The following CNOT7 variants were observed in gnomAD, a reference collection of about 807,000 sequenced individuals.
The protein encoded by CNOT7 is BTG1-binding factor 1.
Under a neutral mutation model 37.1 loss-of-function variants are expected in CNOT7, and 4 were observed. The observed-to-expected ratio is 0.11, with a 90% CI of 0.05 to 0.25. The LOEUF (loss-of-function observed/expected upper bound fraction) is 0.25, where lower values mean the gene tolerates loss of function less well. CNOT7 is among the 10% of genes least tolerant of loss of function. The probability of loss-of-function intolerance (pLI) is 1.00; values close to 1 mark genes in which losing one functional copy is unlikely to be tolerated. For missense variants in CNOT7, 170 were observed against 336.2 expected (o/e 0.51, Z 3.87); for synonymous variants, 128 against 115.6 (o/e 1.11, Z -0.69).
At chr8:17,237,583 C>G in intron 3 of CNOT7, 1 of 524,406 alleles carries the variant, frequency 1.9e-6, no homozygotes, top group Non-Finnish European at 3.4e-6. Context: ...AAAAATCATT[C>G]AGAGAGTCCA....
Position 17,229,628 on chromosome 8 carries a change from C to CTA in CNOT7, c.*1090_*1091dup, listed in dbSNP as rs141722627. 1,084 of 148,092 alleles carry CTA rather than the reference C, an allele frequency of 7.3e-3. 3 individuals are homozygous for CTA. The highest frequency in any genetic ancestry group is 0.014 in the African/African-American group (559 of 40,576). The allele number at this position is 148,092 out of a possible 1,614,324, so 9.2% of individuals were successfully genotyped here. A position where few individuals can be genotyped will look rare whatever the true frequency, so the allele number is the denominator to read the frequency against. On this transcript the variant is annotated 3_prime_UTR_variant, in exon 7 of 7. Coordinates refer to ENST00000361272, the MANE Select transcript of CNOT7 (RefSeq NM_013354.7). Reference sequence around the variant, plus strand: ...TACACTCCTCAGGTAATTTTATCAGCTATATATATATATATGAGAATATAT... The same window carrying CTA: ...TACACTCCTCAGGTAATTTTATCAGCTATATATATATATATATGAGAATATAT...
At position 17,230,763 on chromosome 8, in the gene CNOT7, C is replaced by G; in HGVS notation, c.815G>C (p.Gly272Ala). 6.2e-7 allele frequency: 1 copy of G among 1,608,440 alleles called. No homozygotes were observed. Among genetic ancestry groups the G allele is most frequent in the Non-Finnish European group, 8.5e-7 (1 of 1,176,798 alleles). Residue 272 changes from glycine (G) to alanine (A), a missense_variant, in exon 7 of 7, where the codon GGC becomes GCC. Gly to Ala is a moderately conservative substitution (Grantham distance 60). This residue lies in a region of CNOT7 where 25 missense variants were observed against 43.3 expected (regional missense o/e 0.58). Coordinates refer to ENST00000361272, the MANE Select transcript of CNOT7 (RefSeq NM_013354.7). ...TTCCTCTTCATATGCATTCCCTGTG[C>G]CATTCTGTACATAGGATGAACCAGA... ...LGSGSSYVQNGTGNAYEEEAN... is the reference protein window; with the variant it reads ...LGSGSSYVQNATGNAYEEEAN...
chr8:17,232,058 A>G, intron 6 of CNOT7: 1 of 1,033,840 alleles, frequency 9.7e-7, no homozygotes, highest in Non-Finnish European at 1.2e-6. Flanking sequence ...CTTGCCTTGT[A>G]GGAGGAGCAC....
chr8:17,241,832 C>T (rs189200489), intron 3 of CNOT7: 5 of 152,144 alleles, frequency 3.3e-5, no homozygotes, highest in South Asian at 4.1e-4. Flanking sequence ...CATCAAACTT[C>T]TAGATAAAGA....
chr8:17,243,494 C>G (rs972422907), intron 2 of CNOT7: 1 of 512,738 alleles, frequency 2.0e-6, no homozygotes, highest in Non-Finnish European at 3.8e-6. Flanking sequence ...CCAAAGGATA[C>G]ATGAAATGAT....
chr8:17,235,326 A>G (rs1217310794), intron 4 of CNOT7, among the ~76,000 whole-genome samples: 2 of 152,332 alleles, frequency 1.3e-5, no homozygotes, highest in East Asian at 1.9e-4. Flanking sequence ...CCACTTTTAC[A>G]TAAGGTGGTC....
rs554923817 is a variant in CNOT7 at position 17,226,967 on chromosome 8, C to G, written c.*3753G>C. 3 of 151,256 alleles carry G rather than the reference C, an allele frequency of 2.0e-5. No homozygotes were observed. In the East Asian group the frequency reaches 5.8e-4, roughly 29 times the overall value. The allele number at this position is 151,256 out of a possible 1,614,324, so 9.4% of individuals were successfully genotyped here. A position where few individuals can be genotyped will look rare whatever the true frequency, so the allele number is the denominator to read the frequency against. On this transcript the variant is annotated 3_prime_UTR_variant, in exon 7 of 7. Transcript: ENST00000361272. ...TCTTTAGCACTGCTAAGCCATTGAACGCCTGTGTGGCAAATCAAATCAGGA... is the reference window on the plus strand; with the variant it reads ...TCTTTAGCACTGCTAAGCCATTGAAGGCCTGTGTGGCAAATCAAATCAGGA...
At chr8:17,245,787 T>C (rs899673289) in intron 1 of CNOT7, 1 of 152,188 alleles carries the variant, frequency 6.6e-6, no homozygotes, top group African/African-American at 2.4e-5. Context: ...ATTATCTGAA[T>C]GTTCGCAGTT....
At chr8:17,245,470 C>A (rs963244689) in intron 1 of CNOT7, among the ~76,000 whole-genome samples, 1 of 152,056 alleles carries the variant, frequency 6.6e-6, no homozygotes, top group African/African-American at 2.4e-5. Flanking sequence ...TTTAAAATAG[C>A]TTTTTTACAC....
chr8:17,231,864 C>A, intron 6 of CNOT7: 3 of 985,854 alleles, frequency 3.0e-6, no homozygotes, highest in Non-Finnish European at 3.6e-6. Context: ...GCAACTACTA[C>A]GTTGGATTTA....
At chr8:17,239,714 C>T (rs1048713878) in intron 3 of CNOT7, among the ~76,000 whole-genome samples, 6 of 151,974 alleles carry the variant, frequency 3.9e-5, no homozygotes, top group African/African-American at 7.2e-5. Context: ...AGGATGTTCT[C>T]GATCTCCTGA....
At chr8:17,241,606 C>T (rs1038009813) in intron 3 of CNOT7, 1 of 152,094 alleles carries the variant, frequency 6.6e-6, no homozygotes, top group African/African-American at 2.4e-5. Context: ...TTTTACCTAC[C>T]AGATATTAGG....
In CNOT7 at chr8:17,229,215, CCA is replaced by C. The variant is rs1326459426; in HGVS notation, c.*1503_*1504del. 6.6e-6 allele frequency: 1 copy of C among 151,916 alleles called. No homozygotes were observed. Among genetic ancestry groups the C allele is most frequent in the African/African-American group, 2.4e-5 (1 of 41,418 alleles). 9.4% of individuals were successfully genotyped at this position (151,916 alleles called of 1,614,324 possible). A position where few individuals can be genotyped will look rare whatever the true frequency, so the allele number is the denominator to read the frequency against. The stretch of plus-strand genomic sequence containing the variant: ...AATAAGTATTTCCAAAAGAAAATCA[CCA>C]GTCATCAACATTTATAAGAAAACAT... On this transcript the variant is annotated 3_prime_UTR_variant, in exon 7 of 7. Transcript: ENST00000361272.
At chr8:17,239,000 G>A (rs1372800170) in intron 3 of CNOT7, among the ~76,000 whole-genome samples, 1 of 152,148 alleles carries the variant, frequency 6.6e-6, no homozygotes, top group East Asian at 1.9e-4. Flanking sequence ...ACTAACTCAT[G>A]AACACACAAA....
At chr8:17,238,940 C>G (rs1809765812) in intron 3 of CNOT7, among the ~76,000 whole-genome samples, 1 of 152,220 alleles carries the variant, frequency 6.6e-6, no homozygotes, top group Non-Finnish European at 1.5e-5. Flanking sequence ...CATGCCATTC[C>G]TCAAAGGACT....
Position 17,237,198 on chromosome 8 carries a change from T to C in CNOT7, c.473+14A>G, listed in dbSNP as rs1173042516. On this transcript the variant is annotated intron_variant, in intron 4 of 6. Transcript: ENST00000361272. Reference sequence around the variant, plus strand: ...ATGGAAAAACAAATGCCATTTTCAATGTAGTCGTTTTACCTATGAAATGAC... The same window carrying C: ...ATGGAAAAACAAATGCCATTTTCAACGTAGTCGTTTTACCTATGAAATGAC... 1 of 1,611,498 alleles carries C rather than the reference T, an allele frequency of 6.2e-7. No homozygotes were observed. Among genetic ancestry groups the C allele is most frequent in the Non-Finnish European group, 8.5e-7 (1 of 1,178,610 alleles).
intron 2 of CNOT7, 93 bp downstream of exon 2, chr8:17,244,942 TA>T: frequency 1.9e-6 from 2 of 1,074,578 alleles, no homozygotes; most frequent in Non-Finnish European, 2.7e-6. Context: ...AATTAATCCC[TA>T]AAAATATCAA....
rs1288460650 is a variant in CNOT7 at position 17,229,402 on chromosome 8, G to A, written c.*1318C>T. On this transcript the variant is annotated 3_prime_UTR_variant, in exon 7 of 7. Coordinates refer to ENST00000361272, the MANE Select transcript of CNOT7 (RefSeq NM_013354.7). The stretch of plus-strand genomic sequence containing the variant: ...CAATGTGACTAACATTTGGAGATTT[G>A]CTAATATTACTGATTGAAGTGTAGG... 2 of 152,262 alleles carry A rather than the reference G, an allele frequency of 1.3e-5. No individual in the cohort carries two copies. Among genetic ancestry groups the A allele is most frequent in the Non-Finnish European group, 2.9e-5 (2 of 67,824 alleles). 9.4% of individuals were successfully genotyped at this position (152,262 alleles called of 1,614,324 possible). A position where few individuals can be genotyped will look rare whatever the true frequency, so the allele number is the denominator to read the frequency against.
intron 3 of CNOT7, among the ~76,000 whole-genome samples, chr8:17,240,374 C>A (rs187549228): frequency 6.6e-6 from 1 of 150,882 alleles, no homozygotes; most frequent in African/African-American, 2.4e-5. Flanking sequence ...TTTAGCTCAA[C>A]AGCTATTGTT....
Sources: allele counts gnomAD v4.1 joint callset (sites outside exome capture counted in the v4.1 genomes callset), GRCh38; gene constraint gnomAD v4.1.1; regional missense constraint gnomAD v4.1.1; transcripts MANE v1.5; gene names NCBI Gene and HGNC (gene_info 2026-07-23, HGNC 2026-07-21).